ABCC8: variants seen among roughly 807,000 people sequenced by gnomAD.
ABCC8 encodes the protein ATP binding cassette subfamily C member 8, also known as ATP-binding cassette sub-family C member 8.
Under a neutral mutation model 188.0 loss-of-function variants are expected in ABCC8, and 137 were observed. The observed-to-expected ratio is 0.73, with a 90% CI of 0.63 to 0.84. The LOEUF is 0.84. Among genes scored for constraint, ABCC8 ranks in the 40% least tolerant of loss-of-function variants. ABCC8 has a pLI of 0.00. For synonymous variants in ABCC8, 797 were observed against 846.5 expected, an observed-to-expected ratio of 0.94 and a Z score of 1.01; for missense variants, 1,750 against 2,072.7, an observed-to-expected ratio of 0.84 and a Z score of 3.02.
intron 11 of ABCC8, 140 bp from the exon 12 acceptor site, chr11:17,431,099 T>G: frequency 7.4e-7 from 1 of 1,343,558 alleles, no homozygotes; most frequent in Non-Finnish European, 1.0e-6. Flanking sequence ...TGGAGACACC[T>G]TCATCATCCC....
chr11:17,461,591 C>A lies in ABCC8; in HGVS notation c.814G>T (p.Ala272Ser). ...NYQRLCEAFD[A>S]QVRKDIQGTQ... is the part of the protein sequence containing the mutation. ...GCTGTGCCCCCACTGACCACCTGGG[C>A]GTCAAAGGCCTCGCAGAGCCGTTGG... The change falls in exon 5 of 39, where the codon GCC (alanine) becomes TCC (serine). Residue 272 changes from alanine (A) to serine (S), a missense_variant. Ala to Ser is a moderately conservative substitution (Grantham distance 99). Coordinates refer to ENST00000389817, the MANE Select transcript of ABCC8 (RefSeq NM_000352.6). 6.2e-7 allele frequency: 1 copy of A among 1,614,194 alleles called. No individual in the cohort carries two copies. Among genetic ancestry groups the A allele is most frequent in the Non-Finnish European group, 8.5e-7 (1 of 1,180,038 alleles).
In ABCC8 at chr11:17,405,530, C is replaced by T. The variant is rs1303967356; in HGVS notation, c.3363G>A (p.Leu1121=). 6.2e-7 allele frequency: 1 copy of T among 1,614,110 alleles called. No individual in the cohort carries two copies. Among genetic ancestry groups the T allele is most frequent in the Non-Finnish European group, 8.5e-7 (1 of 1,180,040 alleles). ...FFETTPLGSI[L]NRFSSDCNTI... Reference sequence around the variant, plus strand: ...TGTTACAGTCAGATGAAAATCTGTTCAGGATGCTCCCAAGGGGCGTGGTCT... The same window carrying T: ...TGTTACAGTCAGATGAAAATCTGTTTAGGATGCTCCCAAGGGGCGTGGTCT... The change falls in exon 27 of 39, where the codon CTG becomes CTA. Residue 1121 remains leucine, a synonymous_variant. Transcript: ENST00000389817.
Position 17,433,697 on chromosome 11 carries a change from C to T in ABCC8, c.1631-1453G>A, listed in dbSNP as rs74941325. On this transcript the variant is annotated intron_variant, in intron 10 of 38. Transcript: ENST00000389817. ...GTGGGAAGGACATTGTCCCCATCCT[C>T]GGGGAATTCCTAATCTGATGGGGAA... 3.0e-3 allele frequency among the ~76,000 whole-genome samples: 464 copies of T among 152,320 alleles called. 1 individual carries two copies. Among genetic ancestry groups the T allele is most frequent in the East Asian group, 0.014 (74 of 5,174 alleles).
At chr11:17,437,465 C>T (rs902388817) in intron 10 of ABCC8, among the ~76,000 whole-genome samples, 2 of 152,258 alleles carry the variant, frequency 1.3e-5, no homozygotes, top group African/African-American at 4.8e-5. Flanking sequence ...GCTTTGTTGC[C>T]TGTGCAGGGC....
chr11:17,435,997 G>C, intron 10 of ABCC8: 2 of 1,555,126 alleles, frequency 1.3e-6, no homozygotes, highest in Non-Finnish European at 1.8e-6. Flanking sequence ...CATGGGAAGA[G>C]ACCAACTGTA....
intron 21 of ABCC8, among the ~76,000 whole-genome samples, chr11:17,411,846 A>G (rs534418075): frequency 1.5e-4 from 23 of 151,906 alleles, no homozygotes; most frequent in Admixed American, 1.4e-3. Context: ...GGCACCTGAC[A>G]CAACAGAACT....
At chr11:17,395,138 C>T (rs1190977891) in intron 36 of ABCC8, 34 bp downstream of exon 36, 28 of 1,553,690 alleles carry the variant, frequency 1.8e-5, no homozygotes, top group Non-Finnish European at 2.1e-5. Context: ...CTTGAGTGCC[C>T]AACCAACCCA....
chr11:17,435,824 G>A (rs1325728002), intron 10 of ABCC8: 4 of 1,259,340 alleles, frequency 3.2e-6, no homozygotes, highest in Middle Eastern at 1.8e-4. Context: ...GGGAAGATGA[G>A]TGCAAACTTA....
chr11:17,396,793 T>C, intron 33 of ABCC8, 123 bp downstream of exon 33: 2 of 1,274,190 alleles, frequency 1.6e-6, no homozygotes, highest in Non-Finnish European at 2.2e-6. Flanking sequence ...CTGCGATGTC[T>C]GAATAGTGAG....
chr11:17,473,105 A>T (rs1441807869), intron 2 of ABCC8, among the ~76,000 whole-genome samples: 1 of 152,208 alleles, frequency 6.6e-6, no homozygotes, highest in African/African-American at 2.4e-5. Context: ...AGAAAGCCTG[A>T]ATGACTTGTG....
chr11:17,399,293 A>C lies in ABCC8; in HGVS notation c.3651-852T>G, dbSNP rs796592802. 6.8e-3 allele frequency among the ~76,000 whole-genome samples: 920 copies of C among 134,982 alleles called. 42 individuals are homozygous for C. The highest frequency in any genetic ancestry group is 0.032 in the African/African-American group (872 of 27,548). 88.6% of individuals were successfully genotyped at this position (134,982 alleles called of 152,430 possible). A position where few individuals can be genotyped will look rare whatever the true frequency, so the allele number is the denominator to read the frequency against. On this transcript the variant is annotated intron_variant, in intron 29 of 38. Coordinates refer to ENST00000389817, the MANE Select transcript of ABCC8 (RefSeq NM_000352.6). Reference sequence around the variant, plus strand: ...TCTGCCTCAAAAAAAAAAAAAAAAAAAAAAAAAAAAACAAATAAAAAAGAA... The same window carrying C: ...TCTGCCTCAAAAAAAAAAAAAAAAACAAAAAAAAAAACAAATAAAAAAGAA...
chr11:17,453,162 TAG>T lies in ABCC8; in HGVS notation c.1131_1132del (p.Tyr377Ter). 1 of 1,614,016 alleles carries T rather than the reference TAG, an allele frequency of 6.2e-7. No homozygotes were observed. Among genetic ancestry groups the T allele is most frequent in the Non-Finnish European group, 8.5e-7 (1 of 1,179,978 alleles). On this transcript the variant is annotated stop_gained and frameshift_variant, in exon 7 of 39. Transcript: ENST00000389817. LOFTEE classifies it high-confidence loss of function. ...GTTAATTCCAGTTTCAATGGCCACA[TAG>T]TAGGATGCTTGCAGAAATGTCCTTT...
chr11:17,459,724 C>T (rs566159943), intron 6 of ABCC8, among the ~76,000 whole-genome samples: 53 of 152,292 alleles, frequency 3.5e-4, no homozygotes, highest in African/African-American at 1.2e-3. Context: ...TAAACGGCTG[C>T]AAGGAAACAG....
chr11:17,461,464 C>A, intron 5 of ABCC8, 119 bp downstream of exon 5: 2 of 1,350,930 alleles, frequency 1.5e-6, no homozygotes, highest in Non-Finnish European at 2.1e-6. Flanking sequence ...CTTCCCCTCA[C>A]CAGCCTCAGT....
At chr11:17,413,662 A>T in intron 19 of ABCC8, 184 bp from the exon 20 acceptor site, 1 of 1,264,262 alleles carries the variant, frequency 7.9e-7, no homozygotes, top group East Asian at 2.5e-5. Context: ...AGCACTTCAC[A>T]CAGCGTTTGG....
At chr11:17,418,357 T>A (rs1333243821) in intron 16 of ABCC8, among the ~76,000 whole-genome samples, 3 of 152,194 alleles carry the variant, frequency 2.0e-5, no homozygotes, top group African/African-American at 7.2e-5. Context: ...CCCCTCCTGC[T>A]GAGGGTCAGG....
chr11:17,416,992 A>G lies in ABCC8; in HGVS notation c.2223-30T>C. 4 of 1,613,864 alleles carry G rather than the reference A, an allele frequency of 2.5e-6. No individual in the cohort carries two copies. In the South Asian group the frequency reaches 4.4e-5, roughly 18 times the overall value. The stretch of plus-strand genomic sequence containing the variant: ...TGGGACACAAATGGGACAGACCAAC[A>G]CCAGTTAGTTCCCACCCCATTGCCT... On this transcript the variant is annotated intron_variant, in intron 16 of 38. Transcript: ENST00000389817.
At chr11:17,437,816 A>G (rs1956166064) in intron 10 of ABCC8, among the ~76,000 whole-genome samples, 1 of 152,236 alleles carries the variant, frequency 6.6e-6, no homozygotes, top group Non-Finnish European at 1.5e-5. Context: ...GAAGAATTTC[A>G]GGCCAGGCAC....
rs768820409 is a variant in ABCC8 at position 17,398,442 on chromosome 11, C to G, written c.3651-1G>C. 2 of 1,613,926 alleles carry G rather than the reference C, an allele frequency of 1.2e-6. No homozygotes were observed. Among genetic ancestry groups the G allele is most frequent in the African/African-American group, 1.3e-5 (1 of 74,858 alleles). ...CTTCTGCTGGAACCGGGCCTCATAC[C>G]TGGAGGGAGGATGAGAAGCTCCTAA... On this transcript the variant is annotated splice_acceptor_variant, in intron 29 of 38. Coordinates refer to ENST00000389817, the MANE Select transcript of ABCC8 (RefSeq NM_000352.6). LOFTEE classifies it high-confidence loss of function.
Sources: allele counts gnomAD v4.1 joint callset (sites outside exome capture counted in the v4.1 genomes callset), GRCh38; gene constraint gnomAD v4.1.1; transcripts MANE v1.5; gene names NCBI Gene and HGNC (gene_info 2026-07-23, HGNC 2026-07-21).